Variants in PRSS56 observed in about 807,000 individuals in gnomAD.
The protein encoded by PRSS56 is serine protease 56.
PRSS56 carries 55 observed loss-of-function variants against 66.8 expected under a neutral mutation model. That is an observed-to-expected ratio of 0.82 (90% CI 0.66 to 1.03). The LOEUF (loss-of-function observed/expected upper bound fraction) is 1.03. Among genes scored for constraint, PRSS56 ranks in the 50% least tolerant of loss-of-function variants. The pLI is 0.00. For missense variants in PRSS56, 869 were observed against 837.2 expected (o/e 1.04, Z -0.47); for synonymous variants, 409 against 387.9 (o/e 1.05, Z -0.64).
Position 232,524,100 on chromosome 2 carries a change from G to A in PRSS56, c.1248G>A (p.Gly416=), listed in dbSNP as rs1202465310. 3 of 1,522,010 alleles carry A rather than the reference G, an allele frequency of 2.0e-6. No homozygotes were observed. The highest frequency in any genetic ancestry group is 1.4e-5 in the African/African-American group (1 of 71,050). The allele number at this position is 1,522,010 out of a possible 1,614,324, so 94.3% of individuals were successfully genotyped here. Residue 416 remains glycine, a synonymous_variant, in exon 10 of 13, where the codon GGG becomes GGA. Transcript: ENST00000617714. Reference sequence around the variant, plus strand: ...TGCGGAACGCGCAGGAGCTGCTCGGGCCTCGTCCGGGACTGCGGCGCCTGG... The same window carrying A: ...TGCGGAACGCGCAGGAGCTGCTCGGACCTCGTCCGGGACTGCGGCGCCTGG... ...GLLRNAQELL[G]PRPGLRRLAP...
chr2:232,521,799 G>A lies in PRSS56; in HGVS notation c.206-17G>A. On this transcript the variant is annotated splice_polypyrimidine_tract_variant and intron_variant, in intron 2 of 12. Transcript: ENST00000617714. ...CGAGAGGGCAGCAGTGAGACTCAAA[G>A]GTCTGTTTCTCTGCAGGATCTGGGC... The A allele has an allele frequency of 6.5e-7, 1 of 1,535,754 alleles. No homozygotes were observed. The highest frequency in any genetic ancestry group is 8.7e-7 in the Non-Finnish European group (1 of 1,146,666).
rs1194907734 is a variant in PRSS56, at chr2:232,525,228, C to A, written c.1534C>A (p.Leu512Met). ...AMNFHEVLAD[L>M]GSKTLTGLFR... The stretch of plus-strand genomic sequence containing the variant: ...CCTCCATCTGTAGGTCCTGGCAGAT[C>A]TGGGCTCCAAGACACTGACCGGGCT... Residue 512 changes from leucine (L) to methionine (M), a missense_variant, in exon 13 of 13, where the codon CTG becomes ATG. Leu to Met is a conservative substitution (Grantham distance 15, BLOSUM62 2). Coordinates refer to ENST00000617714, the MANE Select transcript of PRSS56 (RefSeq NM_001195129.2). 1 of 1,498,414 alleles carries A rather than the reference C, an allele frequency of 6.7e-7. No homozygotes were observed. The highest frequency in any genetic ancestry group is 8.9e-7 in the Non-Finnish European group (1 of 1,127,208). 92.8% of individuals were successfully genotyped at this position (1,498,414 alleles called of 1,614,324 possible). A position where few individuals can be genotyped will look rare whatever the true frequency, so the allele number is the denominator to read the frequency against.
In PRSS56 at chr2:232,524,858, C is replaced by T. The variant is rs912985386; in HGVS notation, c.1521+14C>T. On this transcript the variant is annotated intron_variant, in intron 12 of 12. Transcript: ENST00000617714. ...AACTTTCATGAGGTAGGTCCCCAGG[C>T]TTCCAGACTCCTTCACGATGGCCTG... 6.6e-7 allele frequency: 1 copy of T among 1,515,534 alleles called. No homozygotes were observed. The highest frequency in any genetic ancestry group is 2.0e-5 in the Admixed American group (1 of 50,926). 93.9% of individuals were successfully genotyped at this position (1,515,534 alleles called of 1,614,324 possible).
chr2:232,524,512 G>A, intron 11 of PRSS56, 143 bp downstream of exon 11: 1 of 841,106 alleles, frequency 1.2e-6, no homozygotes. Context: ...GCCATAGAGC[G>A]TATGACTCTT....
Position 232,524,718 on chromosome 2 carries a change from G to A in PRSS56, c.1415-20G>A, listed in dbSNP as rs1251179519. The stretch of plus-strand genomic sequence containing the variant: ...TACCGCAACCGTTCATTATTCCCGG[G>A]GCCTCTCCTCTTCCTCCAGGCTGCC... On this transcript the variant is annotated intron_variant, in intron 11 of 12. Coordinates refer to ENST00000617714, the MANE Select transcript of PRSS56 (RefSeq NM_001195129.2). 1 of 1,494,110 alleles carries A rather than the reference G, an allele frequency of 6.7e-7. No individual in the cohort carries two copies. Among genetic ancestry groups the A allele is most frequent in the Non-Finnish European group, 9.0e-7 (1 of 1,115,612 alleles). 92.6% of individuals were successfully genotyped at this position (1,494,110 alleles called of 1,614,324 possible). A position where few individuals can be genotyped will look rare whatever the true frequency, so the allele number is the denominator to read the frequency against.
chr2:232,521,434 C>T lies in PRSS56; in HGVS notation c.205+6C>T. The stretch of plus-strand genomic sequence containing the variant: ...CAGATCGCACGAGTGCCGAGGTGCC[C>T]ACCCTGCCCCCCGTGCCCCAGTGAG... On this transcript the variant is annotated splice_donor_region_variant and intron_variant, in intron 2 of 12. Coordinates refer to ENST00000617714, the MANE Select transcript of PRSS56 (RefSeq NM_001195129.2). 3.3e-6 allele frequency: 5 copies of T among 1,534,098 alleles called. No homozygotes were observed. The highest frequency in any genetic ancestry group is 4.4e-6 in the Non-Finnish European group (5 of 1,145,068).
intron 1 of PRSS56, among the ~76,000 whole-genome samples, chr2:232,521,067 T>TA (rs996529732): frequency 1.3e-5 from 2 of 152,084 alleles, no homozygotes; most frequent in African/African-American, 2.4e-5. Flanking sequence ...GTGGTGTCTT[T>TA]AAAAAAAATT....
Position 232,525,585 on chromosome 2 carries a change from A to C in PRSS56, c.*79A>C, listed in dbSNP as rs1574626119. ...GAGGGGTTCGGGAGCATAATGACAA[A>C]CTGTCGCTGCCCCAGTGGCTGGGTG... On this transcript the variant is annotated 3_prime_UTR_variant, in exon 13 of 13. Transcript: ENST00000617714. 4 of 766,410 alleles carry C rather than the reference A, an allele frequency of 5.2e-6. No homozygotes were observed. Among genetic ancestry groups the C allele is most frequent in the South Asian group, 2.2e-5 (1 of 45,446 alleles). The allele number at this position is 766,410 out of a possible 1,614,324, so 47.5% of individuals were successfully genotyped here. A position where few individuals can be genotyped will look rare whatever the true frequency, so the allele number is the denominator to read the frequency against.
At position 232,523,538 on chromosome 2, in the gene PRSS56, C is replaced by A. The variant is rs539085160; in HGVS notation, c.972C>A (p.Arg324=). Residue 324 remains arginine, a synonymous_variant, in exon 8 of 13, where the codon CGC becomes CGA. Transcript: ENST00000617714. ...GEPGKPGVYT[R]VAVFKDWLQE... ...CAGGGAAGCCCGGGGTCTACACCCGCGTGGCAGTGTTCAAGGACTGGCTCC... is the reference window on the plus strand; with the variant it reads ...CAGGGAAGCCCGGGGTCTACACCCGAGTGGCAGTGTTCAAGGACTGGCTCC... 5.2e-5 allele frequency: 79 copies of A among 1,532,634 alleles called. No homozygotes were observed. In the African/African-American group the frequency reaches 1.0e-3, roughly 20 times the overall value. 94.9% of individuals were successfully genotyped at this position (1,532,634 alleles called of 1,614,324 possible).
chr2:232,522,152 C>A lies in PRSS56; in HGVS notation c.438C>A (p.Cys146Ter). ...AASWVLTAAH[C>*]FVGAPNELLW... The stretch of plus-strand genomic sequence containing the variant: ...CCTGGGTGCTCACGGCAGCGCACTG[C>A]TTTGTAGGGTAAGTAGGACCCCCAG... Residue 146 changes from cysteine (C) to a stop codon, truncating the protein, a stop_gained, in exon 4 of 13, where the codon TGC becomes TGA. Transcript: ENST00000617714. LOFTEE classifies it high-confidence loss of function. 6.6e-7 allele frequency: 1 copy of A among 1,505,216 alleles called. No homozygotes were observed. Among genetic ancestry groups the A allele is most frequent in the Admixed American group, 2.1e-5 (1 of 47,820 alleles). The allele number at this position is 1,505,216 out of a possible 1,614,324, so 93.2% of individuals were successfully genotyped here. A position where few individuals can be genotyped will look rare whatever the true frequency, so the allele number is the denominator to read the frequency against.
At chr2:232,523,324 A>T in intron 7 of PRSS56, 92 bp from the exon 8 acceptor site, 1 of 1,422,352 alleles carries the variant, frequency 7.0e-7, no homozygotes, top group South Asian at 1.5e-5. Context: ...CATCCCTAAA[A>T]TGGACACAAG....
Position 232,522,589 on chromosome 2 carries a change from T to A in PRSS56, c.521T>A (p.Val174Glu). ...SRGEQAEEVP[V>E]NRILPHPKFD... The stretch of plus-strand genomic sequence containing the variant: ...GGGGAGCAAGCGGAGGAGGTGCCAG[T>A]GAACCGCATCCTGCCCCACCCCAAG... The change falls in exon 5 of 13, where the codon GTG becomes GAG. Residue 174 changes from valine (V) to glutamate (E), a missense_variant. By Grantham distance (121) the Val-to-Glu change is moderately radical (BLOSUM62 -2). Around this residue, in one of 3 missense-constraint regions of PRSS56, gnomAD observed 315 missense variants for 313.7 expected, o/e 1.00. Transcript: ENST00000617714. 6.5e-7 allele frequency: 1 copy of A among 1,535,032 alleles called. No individual in the cohort carries two copies. The highest frequency in any genetic ancestry group is 1.2e-5 in the South Asian group (1 of 83,980).
chr2:232,522,726 G>T lies in PRSS56; in HGVS notation c.571G>T (p.Asp191Tyr). 1 of 1,534,302 alleles carries T rather than the reference G, an allele frequency of 6.5e-7. No homozygotes were observed. The highest frequency in any genetic ancestry group is 1.2e-5 in the South Asian group (1 of 83,896). ...PKFDPRTFHN[D>Y]LALVQLWTPV... ...GTTTGACCCGCGGACCTTCCACAAC[G>T]ACCTGGCCCTGGTGCAGCTGTGGAC... The change falls in exon 6 of 13, where the codon GAC (aspartate) becomes TAC (tyrosine). Residue 191 changes from aspartate to tyrosine, a missense_variant. Around this residue, in one of 3 missense-constraint regions of PRSS56, gnomAD observed 315 missense variants for 313.7 expected, o/e 1.00. Coordinates refer to ENST00000617714, the MANE Select transcript of PRSS56 (RefSeq NM_001195129.2).
rs1691330469 is a variant in PRSS56 at position 232,523,455 on chromosome 2, C to T, written c.889C>T (p.Pro297Ser). The change falls in exon 8 of 13, where the codon CCC becomes TCC. Residue 297 changes from proline to serine, a missense_variant. This residue lies in a region of PRSS56 where 551 missense variants were observed against 506.9 expected (regional missense o/e 1.09). Coordinates refer to ENST00000617714, the MANE Select transcript of PRSS56 (RefSeq NM_001195129.2). ...GGPLTCSEPG[P>S]RPREVLFGVT... Reference sequence around the variant, plus strand: ...CCCCCTGACCTGTTCTGAGCCTGGCCCCCGCCCTAGAGAGGTCCTGTTCGG... The same window carrying T: ...CCCCCTGACCTGTTCTGAGCCTGGCTCCCGCCCTAGAGAGGTCCTGTTCGG... The T allele has an allele frequency of 6.6e-7, 1 of 1,504,070 alleles. No homozygotes were observed. Among genetic ancestry groups the T allele is most frequent in the Non-Finnish European group, 8.8e-7 (1 of 1,131,000 alleles). 93.2% of individuals were successfully genotyped at this position (1,504,070 alleles called of 1,614,324 possible).
At chr2:232,524,889 G>A (rs1238781662) in intron 12 of PRSS56, 45 bp downstream of exon 12, 3 of 1,431,840 alleles carry the variant, frequency 2.1e-6, no homozygotes, top group South Asian at 2.4e-5. Flanking sequence ...GCCTGGGAAG[G>A]CTGAGACCCA....
At chr2:232,522,482 C>T (rs1691302627) in intron 4 of PRSS56, 33 bp from the exon 5 acceptor site, 1 of 1,509,714 alleles carries the variant, frequency 6.6e-7, no homozygotes. Context: ...TGCCCCTGTC[C>T]TTCCTGCGTC....
chr2:232,520,644 T>C lies in PRSS56; in HGVS notation c.46T>C (p.Phe16Leu). 1 of 1,536,032 alleles carries C rather than the reference T, an allele frequency of 6.5e-7. No homozygotes were observed. The highest frequency in any genetic ancestry group is 8.7e-7 in the Non-Finnish European group (1 of 1,146,866). Residue 16 changes from phenylalanine to leucine, a missense_variant, in exon 1 of 13, where the codon TTT (phenylalanine) becomes CTT (leucine). Physicochemically the swap from Phe to Leu is conservative, Grantham distance 22. This residue lies in a region of PRSS56 where 315 missense variants were observed against 313.7 expected (regional missense o/e 1.00). Transcript: ENST00000617714. ...LLLLPLPSSW[F>L]AHGHPLYTRL... ...GCTGCTACCCCTCCCAAGCTCATGG[T>C]TTGCCCACGGGCACCCACTGTACAC...
chr2:232,523,284 T>C, intron 7 of PRSS56, 82 bp downstream of exon 7: 2 of 1,421,072 alleles, frequency 1.4e-6, no homozygotes, highest in Non-Finnish European at 1.8e-6. Flanking sequence ...CGTCTGTCTG[T>C]CACTCGACTT....
At chr2:232,525,152 A>T (rs1302354097) in intron 12 of PRSS56, 64 bp from the exon 13 acceptor site, 1 of 1,394,452 alleles carries the variant, frequency 7.2e-7, no homozygotes, top group Non-Finnish European at 9.4e-7. Context: ...AGAGGGGGTG[A>T]CCTCTGGGGT....
Sources: gnomAD v4.1 joint callset for allele counts (sites outside exome capture counted in the v4.1 genomes callset) on GRCh38, gnomAD v4.1.1 for gene constraint, gnomAD v4.1.1 regional missense constraint, MANE v1.5 for transcripts, NCBI Gene and HGNC (gene_info 2026-07-23, HGNC 2026-07-21) for gene names.